The following RAB22A variants were observed in gnomAD, a reference collection of about 807,000 sequenced individuals.
RAB22A encodes ras-related protein Rab-22A.
RAB22A carries 13 observed loss-of-function variants against 30.2 expected under a neutral mutation model. The ratio of observed to expected loss-of-function variants is 0.43; its 90% CI spans 0.28 to 0.68. The LOEUF is 0.68. Among genes scored for constraint, RAB22A ranks in the 30% least tolerant of loss-of-function variants. RAB22A has a pLI of 0.18. For missense variants in RAB22A, 177 were observed against 246.8 expected, an observed-to-expected ratio of 0.72 and a Z score of 1.89; for synonymous variants, 89 against 87.2, an observed-to-expected ratio of 1.02 and a Z score of -0.11.
chr20:58,316,683 T>C (rs1030354872), intron 2 of RAB22A, among the ~76,000 whole-genome samples: 1 of 152,116 alleles, frequency 6.6e-6, no homozygotes, highest in Non-Finnish European at 1.5e-5. Flanking sequence ...CCTCTTAAGC[T>C]CTAGACCTGC....
rs142450787 is a variant in RAB22A, at chr20:58,317,253, C to T, written c.116+6131C>T. Among the ~76,000 whole-genome samples the T allele has an allele frequency of 3.1e-3, 475 of 152,138 alleles. 3 individuals are homozygous for T. The highest frequency in any genetic ancestry group is 0.011 in the African/African-American group (461 of 41,524). The stretch of plus-strand genomic sequence containing the variant: ...CTGGGATTACAGGCACCCACCACCA[C>T]GTCCAGCTAATTTTTGTATTATTAG... On this transcript the variant is annotated intron_variant, in intron 2 of 6. Transcript: ENST00000244040.
intron 2 of RAB22A, among the ~76,000 whole-genome samples, chr20:58,312,946 G>A (rs1024726932): frequency 6.6e-6 from 1 of 152,118 alleles, no homozygotes; most frequent in Non-Finnish European, 1.5e-5. Context: ...CCTTCTCAGG[G>A]CCTGCCTGTC....
intron 2 of RAB22A, among the ~76,000 whole-genome samples, chr20:58,324,462 C>G (rs958429868): frequency 6.6e-6 from 1 of 152,178 alleles, no homozygotes; most frequent in Non-Finnish European, 1.5e-5. Flanking sequence ...TCACTAATTT[C>G]TACTCCCATC....
At chr20:58,310,289 T>C (rs1333115936) in intron 1 of RAB22A, among the ~76,000 whole-genome samples, 1 of 152,018 alleles carries the variant, frequency 6.6e-6, no homozygotes, top group Non-Finnish European at 1.5e-5. Context: ...GCCTCTCTAT[T>C]GCATCTGGGT....
rs1344541689 is a variant in RAB22A, at chr20:58,360,450, T to A, written c.*747T>A. ...CCCGGAATAAACTGAATTTCATATG[T>A]TCTAAAATGACTAGCAATGGTTTAA... On this transcript the variant is annotated 3_prime_UTR_variant, in exon 7 of 7. Transcript: ENST00000244040. The A allele has an allele frequency of 6.6e-6, 1 of 152,630 alleles. No individual in the cohort carries two copies. The highest frequency in any genetic ancestry group is 6.5e-5 in the Admixed American group (1 of 15,274). The allele number at this position is 152,630 out of a possible 1,614,324, so 9.5% of individuals were successfully genotyped here.
chr20:58,324,982 C>G (rs767189778), intron 2 of RAB22A, among the ~76,000 whole-genome samples: 15 of 147,928 alleles, frequency 1.0e-4, no homozygotes, highest in Non-Finnish European at 1.8e-4. Context: ...CAAGACCATC[C>G]TGGCCAACAT....
chr20:58,329,893 T>C (rs1241947476), intron 2 of RAB22A, among the ~76,000 whole-genome samples: 1 of 152,184 alleles, frequency 6.6e-6, no homozygotes, highest in African/African-American at 2.4e-5. Context: ...TGGCCCTCTT[T>C]AGTCATGGGT....
At chr20:58,314,000 A>T (rs1305687347) in intron 2 of RAB22A, among the ~76,000 whole-genome samples, 1 of 151,888 alleles carries the variant, frequency 6.6e-6, no homozygotes, top group East Asian at 1.9e-4. Context: ...CGTAGACCTT[A>T]CCTACAAGAA....
chr20:58,358,788 G>C (rs186752218), intron 6 of RAB22A, among the ~76,000 whole-genome samples: 1 of 151,956 alleles, frequency 6.6e-6, no homozygotes, highest in Non-Finnish European at 1.5e-5. Flanking sequence ...CCAGCTACTC[G>C]GGAGGCTGAG....
intron 2 of RAB22A, among the ~76,000 whole-genome samples, chr20:58,316,676 C>T (rs1442933582): frequency 6.6e-6 from 1 of 152,216 alleles, no homozygotes; most frequent in African/African-American, 2.4e-5. Context: ...CAAATTCCCT[C>T]TTAAGCTCTA....
At chr20:58,332,983 A>T (rs995774858) in intron 2 of RAB22A, among the ~76,000 whole-genome samples, 12 of 151,522 alleles carry the variant, frequency 7.9e-5, no homozygotes, top group East Asian at 3.9e-4. Flanking sequence ...ATAGTTTAAA[A>T]ATATATATAT....
intron 2 of RAB22A, among the ~76,000 whole-genome samples, chr20:58,325,409 G>A (rs777884073): frequency 1.3e-5 from 2 of 152,280 alleles, no homozygotes; most frequent in Non-Finnish European, 1.5e-5. Context: ...TCTGGGAGGC[G>A]GAGGTTGCAG....
Position 58,309,944 on chromosome 20 carries a change from C to T in RAB22A, c.-33C>T, listed in dbSNP as rs1229936674. The T allele has an allele frequency of 4.0e-6, 5 of 1,262,366 alleles. No individual in the cohort carries two copies. The South Asian group carries it at 1.0e-4, about 26-fold the overall frequency. The allele number at this position is 1,262,366 out of a possible 1,614,324, so 78.2% of individuals were successfully genotyped here. A position where few individuals can be genotyped will look rare whatever the true frequency, so the allele number is the denominator to read the frequency against. ...TGGCCTCTCCCTTCTCAACTTAGGGCGGCGGCGGGCCCGCGCCCCTGGCTC... is the reference window on the plus strand; with the variant it reads ...TGGCCTCTCCCTTCTCAACTTAGGGTGGCGGCGGGCCCGCGCCCCTGGCTC... On this transcript the variant is annotated 5_prime_UTR_variant, in exon 1 of 7. Transcript: ENST00000244040.
At chr20:58,354,286 T>C (rs201129783) in intron 6 of RAB22A, 21 bp downstream of exon 6, 1 of 1,540,052 alleles carries the variant, frequency 6.5e-7, no homozygotes, top group African/African-American at 1.4e-5. Context: ...CTGTGCCTTA[T>C]CCATTTCCTC....
intron 3 of RAB22A, among the ~76,000 whole-genome samples, chr20:58,346,438 T>C (rs1432844388): frequency 6.6e-6 from 1 of 152,202 alleles, no homozygotes; most frequent in African/African-American, 2.4e-5. Flanking sequence ...CTTGGCCTCA[T>C]GCCTCTGGAT....
intron 6 of RAB22A, among the ~76,000 whole-genome samples, chr20:58,357,001 A>G (rs1481120653): frequency 6.6e-6 from 1 of 152,214 alleles, no homozygotes; most frequent in African/African-American, 2.4e-5. Context: ...TCTTTGGTGA[A>G]CATCTGTACA....
chr20:58,344,328 C>T (rs1986907611), intron 3 of RAB22A, among the ~76,000 whole-genome samples: 1 of 152,188 alleles, frequency 6.6e-6, no homozygotes, highest in African/African-American at 2.4e-5. Context: ...GAGCCTGAAC[C>T]AGAAGCGGGG....
At position 58,363,647 on chromosome 20, in the gene RAB22A, GTTCAAC is replaced by G. The variant is rs777960263; in HGVS notation, c.*3950_*3955del. The G allele has an allele frequency of 6.6e-6, 1 of 152,030 alleles. No individual in the cohort carries two copies. The highest frequency in any genetic ancestry group is 6.6e-5 in the Admixed American group (1 of 15,258). The allele number at this position is 152,030 out of a possible 1,614,324, so 9.4% of individuals were successfully genotyped here. A position where few individuals can be genotyped will look rare whatever the true frequency, so the allele number is the denominator to read the frequency against. ...TTTGCTTTAAAGGGACAGTTTTACC[GTTCAAC>G]TTCAAGAGTTTTTCTACCTCTTTAA... On this transcript the variant is annotated 3_prime_UTR_variant, in exon 7 of 7. Transcript: ENST00000244040.
intron 2 of RAB22A, among the ~76,000 whole-genome samples, chr20:58,325,814 A>G (rs1600727582): frequency 6.6e-6 from 1 of 152,286 alleles, no homozygotes; most frequent in East Asian, 1.9e-4. Flanking sequence ...TGTATTCTCT[A>G]CAGCTGTTAG....
Sources: allele counts gnomAD v4.1 joint callset (sites outside exome capture counted in the v4.1 genomes callset), GRCh38; gene constraint gnomAD v4.1.1; transcripts MANE v1.5; gene names NCBI Gene and HGNC (gene_info 2026-07-23, HGNC 2026-07-21).